The following ANKRD62 variants were observed in gnomAD, a reference collection of about 807,000 sequenced individuals.
ANKRD62 encodes the protein ankyrin repeat domain-containing protein 62.
Under a neutral mutation model 98.8 loss-of-function variants are expected in ANKRD62, and 61 were observed. The ratio of observed to expected loss-of-function variants is 0.62; its 90% CI spans 0.50 to 0.76. The LOEUF is 0.76. ANKRD62 is among the 30% of genes least tolerant of loss of function. ANKRD62 has a pLI of 0.00. For missense variants in ANKRD62, 933 were observed against 1,082.9 expected, an observed-to-expected ratio of 0.86 and a Z score of 1.94; for synonymous variants, 341 against 367.9, an observed-to-expected ratio of 0.93 and a Z score of 0.84.
At position 12,125,895 on chromosome 18, in the gene ANKRD62, C is replaced by G; in HGVS notation, c.2074C>G (p.Gln692Glu). Reference protein sequence around the residue: ...QSTVNEWCHLQEDTNSHIQIL... With the variant: ...QSTVNEWCHLEEDTNSHIQIL... Reference sequence around the variant, plus strand: ...CACAGTGAATGAATGGTGTCATTTACAAGAAGACACTAATTCTCACATTCA... The same window carrying G: ...CACAGTGAATGAATGGTGTCATTTAGAAGAAGACACTAATTCTCACATTCA... The change falls in exon 13 of 14, where the codon CAA (glutamine) becomes GAA (glutamate). Residue 692 changes from glutamine to glutamate, a missense_variant. By Grantham distance (29) the Gln-to-Glu change is conservative. Transcript: ENST00000587848. 6.5e-7 allele frequency: 1 copy of G among 1,542,054 alleles called. No homozygotes were observed. Among genetic ancestry groups the G allele is most frequent in the Non-Finnish European group, 8.7e-7 (1 of 1,147,008 alleles).
chr18:12,114,395 T>G (rs1909614188), intron 8 of ANKRD62, among the ~76,000 whole-genome samples: 1 of 152,230 alleles, frequency 6.6e-6, no homozygotes, highest in Admixed American at 6.5e-5. Context: ...TGCTATCATA[T>G]TACTTGAAAA....
chr18:12,099,564 T>G, intron 5 of ANKRD62, 51 bp from the exon 6 acceptor site: 1 of 1,182,560 alleles, frequency 8.5e-7, no homozygotes, highest in Non-Finnish European at 1.1e-6. Context: ...GGTAAAGTTT[T>G]TCATATCAGT....
chr18:12,122,611 A>G lies in ANKRD62; in HGVS notation c.1454+95A>G, dbSNP rs1909804827. ...ATAGCTGACTTACCTTCTAGGGTTT[A>G]ATAGAGAAGAAAACCTCTTAAAATT... On this transcript the variant is annotated intron_variant, in intron 11 of 13. Coordinates refer to ENST00000587848, the MANE Select transcript of ANKRD62 (RefSeq NM_001277333.2). 2.8e-6 allele frequency: 3 copies of G among 1,066,948 alleles called. No individual in the cohort carries two copies. In the East Asian group the frequency reaches 7.9e-5, roughly 28 times the overall value. The allele number at this position is 1,066,948 out of a possible 1,614,324, so 66.1% of individuals were successfully genotyped here.
the ANKRD62 span, among the ~76,000 whole-genome samples, chr18:12,158,888 G>T: frequency 2.7e-3 from 418 of 152,230 alleles, 2 homozygotes; most frequent in African/African-American, 9.2e-3. Context: ...CTTCGAGTGG[G>T]AGGTGCTTCG....
the ANKRD62 span, among the ~76,000 whole-genome samples, chr18:12,150,114 G>A: frequency 5.3e-5 from 8 of 152,202 alleles, no homozygotes; most frequent in African/African-American, 1.4e-4. Flanking sequence ...ACCACTAAGA[G>A]GCCTGACGGA....
intron 8 of ANKRD62, among the ~76,000 whole-genome samples, chr18:12,109,659 A>C (rs906534086): frequency 1.3e-5 from 2 of 152,212 alleles, no homozygotes; most frequent in Non-Finnish European, 2.9e-5. Flanking sequence ...GGGATTGTAC[A>C]TGGGGATCCA....
intron 10 of ANKRD62, among the ~76,000 whole-genome samples, chr18:12,120,116 A>G (rs1744569963): frequency 6.6e-6 from 1 of 152,098 alleles, no homozygotes; most frequent in African/African-American, 2.4e-5. Flanking sequence ...TATGGCCTAA[A>G]ATATTGTCTA....
the ANKRD62 span, among the ~76,000 whole-genome samples, chr18:12,153,335 A>G: frequency 1.3e-5 from 2 of 152,186 alleles, no homozygotes; most frequent in Non-Finnish European, 1.5e-5. Context: ...TCATGCCTGT[A>G]ATCCCAGCAC....
chr18:12,153,017 T>A, the ANKRD62 span, among the ~76,000 whole-genome samples: 132 of 152,108 alleles, frequency 8.7e-4, 3 homozygotes, highest in East Asian at 0.02. Context: ...TCAACAACAG[T>A]CAAGATGAGA....
downstream of ANKRD62, among the ~76,000 whole-genome samples, chr18:12,131,916 CAG>C (rs1910011750): frequency 6.6e-6 from 1 of 151,796 alleles, no homozygotes; most frequent in African/African-American, 2.4e-5. Context: ...TTGTTTTTTT[CAG>C]AGTTACTGCA....
chr18:12,095,179 T>C lies in ANKRD62; in HGVS notation c.227T>C (p.Leu76Pro), dbSNP rs1299359233. ...ACCTCTCATTCTCACAGGACTGCTC[T>C]ACTTTTGGCGTGTGCCCATGGCCGT... ...NDRDKKNRTA[L>P]LLACAHGRPG... Residue 76 changes from leucine to proline, a missense_variant, in exon 2 of 14, where the codon CTA becomes CCA. Transcript: ENST00000587848. The C allele has an allele frequency of 1.3e-6, 2 of 1,536,428 alleles. No individual in the cohort carries two copies. The highest frequency in any genetic ancestry group is 1.7e-6 in the Non-Finnish European group (2 of 1,146,818).
intron 5 of ANKRD62, 134 bp from the exon 6 acceptor site, chr18:12,099,481 G>T: frequency 2.1e-6 from 1 of 487,126 alleles, no homozygotes; most frequent in Non-Finnish European, 3.4e-6. Flanking sequence ...GAGTTTTGTA[G>T]AGCTTACAAA....
rs531255248 is a variant in ANKRD62, at chr18:12,099,238, A to G, written c.753-377A>G. Among the ~76,000 whole-genome samples the G allele has an allele frequency of 2.0e-4, 31 of 152,350 alleles. No individual in the cohort carries two copies. In the South Asian group the frequency reaches 2.7e-3, roughly 13 times the overall value. On this transcript the variant is annotated intron_variant, in intron 5 of 13. Coordinates refer to ENST00000587848, the MANE Select transcript of ANKRD62 (RefSeq NM_001277333.2). ...GCTTTACTATTTCTCTGAGCACCTT[A>G]AAATGTGGTTTCATTAAACATTTAT...
chr18:12,138,215 A>G, the ANKRD62 span, among the ~76,000 whole-genome samples: 1,310 of 152,118 alleles, frequency 8.6e-3, 24 homozygotes, highest in Admixed American at 0.059. Context: ...ACACTGCTTT[A>G]AATGTGTCCC....
In ANKRD62 at chr18:12,124,215, A is replaced by G; in HGVS notation, c.1533A>G (p.Ile511Met). The G allele has an allele frequency of 7.0e-7, 1 of 1,423,766 alleles. No homozygotes were observed. Among genetic ancestry groups the G allele is most frequent in the South Asian group, 1.2e-5 (1 of 81,092 alleles). The allele number at this position is 1,423,766 out of a possible 1,614,324, so 88.2% of individuals were successfully genotyped here. ...AAAAAGATATAGAAGAGTTAAAAAT[A>G]ATGGAAGAGCAATATAGGACACAAA... ...LYEKDIEELK[I>M]MEEQYRTQTE... The change falls in exon 12 of 14, where the codon ATA becomes ATG. Residue 511 changes from isoleucine (I) to methionine (M), a missense_variant. This residue lies in a region of ANKRD62 where 22 missense variants were observed against 60.5 expected (regional missense o/e 0.36). Transcript: ENST00000587848.
At chr18:12,155,522 G>A in the ANKRD62 span, among the ~76,000 whole-genome samples, 1 of 152,160 alleles carries the variant, frequency 6.6e-6, no homozygotes, top group African/African-American at 2.4e-5. Flanking sequence ...TGTGGACACG[G>A]GCTTCCTTGT....
intron 6 of ANKRD62, among the ~76,000 whole-genome samples, chr18:12,100,245 C>G (rs1909270607): frequency 6.6e-6 from 1 of 152,088 alleles, no homozygotes; most frequent in African/African-American, 2.4e-5. Flanking sequence ...GTATTATATA[C>G]TGTATTGTTA....
intron 10 of ANKRD62, 70 bp downstream of exon 10, chr18:12,115,604 C>T (rs971911914): frequency 1.0e-5 from 14 of 1,353,514 alleles, no homozygotes; most frequent in African/African-American, 2.9e-5. Context: ...TTGCTTAGCA[C>T]GGCACCATAG....
chr18:12,098,231 G>A (rs932656252), intron 5 of ANKRD62, among the ~76,000 whole-genome samples: 4 of 152,028 alleles, frequency 2.6e-5, no homozygotes, highest in African/African-American at 4.8e-5. Flanking sequence ...TTGGCCCCTC[G>A]AGTGATCTGT....
Sources: gnomAD v4.1 joint callset for allele counts (sites outside exome capture counted in the v4.1 genomes callset) on GRCh38, gnomAD v4.1.1 for gene constraint, gnomAD v4.1.1 regional missense constraint, MANE v1.5 for transcripts, NCBI Gene and HGNC (gene_info 2026-07-23, HGNC 2026-07-21) for gene names.